Variants in GALNTL6 observed in about 807,000 individuals in gnomAD.
GALNTL6 encodes the protein polypeptide N-acetylgalactosaminyltransferase like 6.
In GALNTL6, 46 loss-of-function variants were observed where a neutral mutation model predicts 73.7. That is an observed-to-expected ratio of 0.62 (90% confidence interval 0.49 to 0.80). GALNTL6 has a LOEUF of 0.80. Ranked by LOEUF, GALNTL6 falls within the 30% of genes least tolerant of loss-of-function variation. The pLI is 0.00. For missense variants in GALNTL6, 604 were observed against 755.0 expected (o/e 0.80, Z 2.34); for synonymous variants, 259 against 263.7 (o/e 0.98, Z 0.17).
intron 5 of GALNTL6, among the ~76,000 whole-genome samples, chr4:172,722,400 A>G (rs1735534786): frequency 6.6e-6 from 1 of 152,314 alleles, no homozygotes; most frequent in South Asian, 2.1e-4. Context: ...ATAAAGTTGG[A>G]CAAATCTTTA....
chr4:172,398,875 A>G (rs1398410519), intron 5 of GALNTL6, among the ~76,000 whole-genome samples: 1 of 151,098 alleles, frequency 6.6e-6, no homozygotes, highest in Admixed American at 6.6e-5. Flanking sequence ...TTTTTTTCTT[A>G]TGGACAAGCC....
intron 2 of GALNTL6, among the ~76,000 whole-genome samples, chr4:171,822,069 A>G (rs930222232): frequency 1.3e-5 from 2 of 152,176 alleles, no homozygotes; most frequent in African/African-American, 2.4e-5. Context: ...AATAAAGTCC[A>G]TGAGTCAATA....
intron 7 of GALNTL6, among the ~76,000 whole-genome samples, chr4:172,861,072 C>A (rs1336003991): frequency 6.6e-6 from 1 of 152,114 alleles, no homozygotes; most frequent in African/African-American, 2.4e-5. Context: ...AACTTGGATG[C>A]TATTTTCTTT....
chr4:172,115,714 A>G (rs1469603612), intron 2 of GALNTL6, among the ~76,000 whole-genome samples: 1 of 152,158 alleles, frequency 6.6e-6, no homozygotes, highest in Non-Finnish European at 1.5e-5. Context: ...AAATGGCAGA[A>G]AAGACAAATG....
At chr4:172,388,289 T>A (rs1743543516) in intron 5 of GALNTL6, among the ~76,000 whole-genome samples, 1 of 152,146 alleles carries the variant, frequency 6.6e-6, no homozygotes, top group Non-Finnish European at 1.5e-5. Flanking sequence ...TTTTTTCGTT[T>A]TAGAAATACC....
chr4:172,674,539 A>G (rs1343854265), intron 5 of GALNTL6, among the ~76,000 whole-genome samples: 1 of 152,114 alleles, frequency 6.6e-6, no homozygotes, highest in Admixed American at 6.5e-5. Context: ...CTTACCATGA[A>G]TGCTATTCTA....
chr4:172,015,437 CT>C (rs150441366), intron 2 of GALNTL6, among the ~76,000 whole-genome samples: 4,805 of 151,822 alleles, frequency 0.032, 128 homozygotes, highest in East Asian at 0.08. Context: ...TGTATGAGTT[CT>C]TGTGTGTTAA....
rs893144964 is a variant in GALNTL6, at chr4:172,357,146, G to A, written c.553+8457G>A. On this transcript the variant is annotated intron_variant, in intron 5 of 12. Coordinates refer to ENST00000506823, the MANE Select transcript of GALNTL6 (RefSeq NM_001034845.3). Reference sequence around the variant, plus strand: ...CCAGGACTGCAGGGGGCCAATCAGCGCCTTCCTCCTGGAGAAAACAGTGAT... The same window carrying A: ...CCAGGACTGCAGGGGGCCAATCAGCACCTTCCTCCTGGAGAAAACAGTGAT... 3.3e-5 allele frequency among the ~76,000 whole-genome samples: 5 copies of A among 152,214 alleles called. No individual in the cohort carries two copies. In the East Asian group the frequency reaches 7.7e-4, roughly 24 times the overall value.
intron 5 of GALNTL6, among the ~76,000 whole-genome samples, chr4:172,433,510 CA>C (rs5864136): frequency 0.86 from 131,000 of 152,038 alleles, 56,518 homozygotes; most frequent in South Asian, 0.89. Flanking sequence ...CGAAGATGAT[CA>C]TCTTTCCCAT....
intron 2 of GALNTL6, among the ~76,000 whole-genome samples, chr4:171,820,366 G>T (rs1361372244): frequency 6.6e-6 from 1 of 152,112 alleles, no homozygotes; most frequent in African/African-American, 2.4e-5. Flanking sequence ...TTCCAGTGTG[G>T]TAGGGCAAAA....
intron 5 of GALNTL6, among the ~76,000 whole-genome samples, chr4:172,749,546 CTG>C (rs1446826792): frequency 1.3e-5 from 2 of 152,100 alleles, no homozygotes; most frequent in African/African-American, 4.8e-5. Flanking sequence ...ATGACACACA[CTG>C]TTTTTAAAAT....
chr4:172,099,447 C>A (rs531893503), intron 2 of GALNTL6, among the ~76,000 whole-genome samples: 1 of 152,194 alleles, frequency 6.6e-6, no homozygotes, highest in East Asian at 1.9e-4. Flanking sequence ...ACTGAAGGTC[C>A]TGGGAATTTA....
intron 5 of GALNTL6, among the ~76,000 whole-genome samples, chr4:172,772,585 TG>T (rs1738836268): frequency 2.7e-5 from 1 of 36,832 alleles, no homozygotes; most frequent in Non-Finnish European, 7.7e-5. Flanking sequence ...TTCATTGGTC[TG>T]TTTATCTATC....
chr4:172,526,741 CCT>C (rs1214967556), intron 5 of GALNTL6, among the ~76,000 whole-genome samples: 4 of 152,150 alleles, frequency 2.6e-5, no homozygotes, highest in Non-Finnish European at 5.9e-5. Flanking sequence ...AGATCCTTTA[CCT>C]GCCTTTGTCA....
intron 12 of GALNTL6, among the ~76,000 whole-genome samples, chr4:173,025,265 G>A (rs995888117): frequency 1.3e-5 from 2 of 152,160 alleles, no homozygotes; most frequent in Non-Finnish European, 2.9e-5. Context: ...CCACCAGGGG[G>A]ACCCCTGTTA....
intron 2 of GALNTL6, among the ~76,000 whole-genome samples, chr4:171,945,833 T>C (rs1222258729): frequency 1.3e-5 from 2 of 152,158 alleles, no homozygotes; most frequent in Non-Finnish European, 2.9e-5. Flanking sequence ...AAAGACATTA[T>C]TCTGTTTTGG....
chr4:171,837,853 T>C (rs920741542), intron 2 of GALNTL6, among the ~76,000 whole-genome samples: 3 of 150,826 alleles, frequency 2.0e-5, no homozygotes, highest in Non-Finnish European at 4.4e-5. Context: ...TCCTACAAAA[T>C]CATCCCTGAG....
intron 5 of GALNTL6, among the ~76,000 whole-genome samples, chr4:172,713,297 G>T (rs1734840163): frequency 6.8e-6 from 1 of 147,708 alleles, no homozygotes; most frequent in Admixed American, 6.9e-5. Context: ...TTTATTTTAA[G>T]GAATTGGCTC....
At chr4:172,739,270 G>A (rs1249945604) in intron 5 of GALNTL6, among the ~76,000 whole-genome samples, 1 of 152,058 alleles carries the variant, frequency 6.6e-6, no homozygotes, top group Non-Finnish European at 1.5e-5. Flanking sequence ...ATTTTTCTTT[G>A]CCATTTTTAT....
Sources: allele counts gnomAD v4.1 joint callset (sites outside exome capture counted in the v4.1 genomes callset), GRCh38; gene constraint gnomAD v4.1.1; transcripts MANE v1.5; gene names NCBI Gene and HGNC (gene_info 2026-07-23, HGNC 2026-07-21).